The following SPAG16 variants were observed in gnomAD, a reference collection of about 807,000 sequenced individuals.
SPAG16 encodes sperm associated antigen 16.
In SPAG16, 86 loss-of-function variants were observed where a neutral mutation model predicts 80.4. That is an observed-to-expected ratio of 1.07 (90% CI 0.90 to 1.28). The LOEUF (loss-of-function observed/expected upper bound fraction) is 1.28, where lower values mean the gene tolerates loss of function less well. SPAG16 is among the 50% of genes most tolerant of loss of function. The pLI is 0.00. For synonymous variants in SPAG16, 294 were observed against 265.9 expected (o/e 1.11, Z -1.03); for missense variants, 870 against 765.3 (o/e 1.14, Z -1.61).
chr2:213,772,000 G>A (rs987147069), intron 10 of SPAG16, among the ~76,000 whole-genome samples: 11 of 152,076 alleles, frequency 7.2e-5, no homozygotes, highest in Non-Finnish European at 1.6e-4. Context: ...GTCAATGGTA[G>A]TTTAATGGGA....
In SPAG16 at chr2:214,333,400, GTTAAC is replaced by G. The variant is rs1166682690; in HGVS notation, c.1721-76735_1721-76731del. 2.0e-5 allele frequency among the ~76,000 whole-genome samples: 3 copies of G among 152,110 alleles called. 1 individual carries two copies. The East Asian group carries it at 5.8e-4, about 29-fold the overall frequency. ...GCTACCCACTCTAATCTTTCCACTC[GTTAAC>G]TTAATTGTGCCCACCTTGCATCTGA... On this transcript the variant is annotated intron_variant, in intron 15 of 15. Transcript: ENST00000331683.
At chr2:213,797,388 T>TA (rs1228924143) in intron 10 of SPAG16, among the ~76,000 whole-genome samples, 1 of 152,212 alleles carries the variant, frequency 6.6e-6, no homozygotes, top group Non-Finnish European at 1.5e-5. Context: ...TTTTCATTCA[T>TA]AGTGCCGAGA....
chr2:213,815,618 C>T (rs1313785634), intron 10 of SPAG16, among the ~76,000 whole-genome samples: 1 of 151,976 alleles, frequency 6.6e-6, no homozygotes, highest in Non-Finnish European at 1.5e-5. Flanking sequence ...AGGTGGTACT[C>T]AGGGCCAAAG....
chr2:213,355,227 C>A (rs2065570080), intron 7 of SPAG16, among the ~76,000 whole-genome samples: 1 of 152,192 alleles, frequency 6.6e-6, no homozygotes, highest in South Asian at 2.1e-4. Flanking sequence ...GTCTATATAT[C>A]TGTTTTGGTA....
chr2:213,805,093 A>T (rs906866349), intron 10 of SPAG16, among the ~76,000 whole-genome samples: 3 of 152,214 alleles, frequency 2.0e-5, no homozygotes, highest in Non-Finnish European at 4.4e-5. Context: ...TGTCAAATGT[A>T]TTTATGGCCA....
chr2:214,178,721 T>C (rs1313051106), intron 15 of SPAG16, among the ~76,000 whole-genome samples: 1 of 151,272 alleles, frequency 6.6e-6, no homozygotes, highest in Non-Finnish European at 1.5e-5. Context: ...TGAAAAATAT[T>C]AAAGTAATAT....
At chr2:214,260,721 C>G (rs1229969791) in intron 15 of SPAG16, among the ~76,000 whole-genome samples, 2 of 152,138 alleles carry the variant, frequency 1.3e-5, no homozygotes, top group Non-Finnish European at 2.9e-5. Context: ...TACTTACCCT[C>G]AAACACATAG....
intron 9 of SPAG16, among the ~76,000 whole-genome samples, chr2:213,485,651 A>G (rs1175811815): frequency 1.3e-5 from 2 of 152,130 alleles, no homozygotes; most frequent in Non-Finnish European, 2.9e-5. Flanking sequence ...CTAGTAATTA[A>G]CATAGTGCCT....
At chr2:214,114,560 C>T (rs991687580) in intron 14 of SPAG16, among the ~76,000 whole-genome samples, 3 of 152,166 alleles carry the variant, frequency 2.0e-5, no homozygotes, top group Admixed American at 6.5e-5. Context: ...TCTCAGACTG[C>T]TGTACTAGCA....
chr2:214,008,882 C>A (rs1309943038), intron 12 of SPAG16, among the ~76,000 whole-genome samples: 1 of 152,116 alleles, frequency 6.6e-6, no homozygotes, highest in South Asian at 2.1e-4. Context: ...TTTGCCCTTT[C>A]AGGCATAGTT....
chr2:213,704,769 T>C (rs1225001765), intron 10 of SPAG16, among the ~76,000 whole-genome samples: 1 of 152,176 alleles, frequency 6.6e-6, no homozygotes, highest in Non-Finnish European at 1.5e-5. Context: ...CTTTTGGGCA[T>C]TGAAGAGTTA....
Position 213,309,265 on chromosome 2 carries a change from T to C in SPAG16, c.280-794T>C, listed in dbSNP as rs567199153. On this transcript the variant is annotated intron_variant, in intron 3 of 15. Coordinates refer to ENST00000331683, the MANE Select transcript of SPAG16 (RefSeq NM_024532.5). ...AGTGCAAATGCATCCATACATAATA[T>C]GTAAACAAATGGGCATGGGCATGCT... is the stretch of plus-strand genomic sequence containing the variant. Among the ~76,000 whole-genome samples, 257 of 152,216 alleles carry C rather than the reference T, an allele frequency of 1.7e-3. 5 individuals carry two copies. Among genetic ancestry groups the C allele is most frequent in the Middle Eastern group, 0.01 (3 of 294 alleles).
intron 10 of SPAG16, among the ~76,000 whole-genome samples, chr2:213,508,554 G>A (rs913635075): frequency 2.6e-5 from 4 of 152,108 alleles, no homozygotes; most frequent in African/African-American, 9.7e-5. Flanking sequence ...AGTCCGGCCT[G>A]GGCGACAGAG....
intron 11 of SPAG16, among the ~76,000 whole-genome samples, chr2:213,912,885 G>T (rs550307955): frequency 4.6e-5 from 7 of 152,148 alleles, no homozygotes; most frequent in African/African-American, 1.2e-4. Flanking sequence ...GAAGTCATTT[G>T]TTCACAATAG....
intron 13 of SPAG16, among the ~76,000 whole-genome samples, chr2:214,039,846 C>A (rs1301153941): frequency 2.0e-5 from 3 of 152,182 alleles, no homozygotes; most frequent in African/African-American, 4.8e-5. Context: ...CTCAAACAAC[C>A]TCTCTGAGAC....
chr2:213,977,558 A>G (rs1390771499), intron 12 of SPAG16, among the ~76,000 whole-genome samples: 1 of 152,036 alleles, frequency 6.6e-6, no homozygotes, highest in Non-Finnish European at 1.5e-5. Context: ...TTAACATCCA[A>G]CTAGGCAAAT....
rs557996883 is a variant in SPAG16, at chr2:213,935,061, G to A, written c.1400+4916G>A. On this transcript the variant is annotated intron_variant, in intron 12 of 15. Coordinates refer to ENST00000331683, the MANE Select transcript of SPAG16 (RefSeq NM_024532.5). ...ACTGAAAATACAAAAAATTACCTGG[G>A]CGTGGTGGCAGGTGCCTGTAGTCCC... Among the ~76,000 whole-genome samples the A allele has an allele frequency of 3.3e-5, 5 of 152,126 alleles. No individual in the cohort carries two copies. The South Asian group carries it at 1.0e-3, about 32-fold the overall frequency.
chr2:214,011,023 A>T (rs1197133218), intron 12 of SPAG16, among the ~76,000 whole-genome samples: 1 of 145,860 alleles, frequency 6.9e-6, no homozygotes, highest in African/African-American at 2.7e-5. Context: ...GTAAGAAAGT[A>T]TCTACGTGAC....
chr2:214,195,533 T>C (rs145835288), intron 15 of SPAG16, among the ~76,000 whole-genome samples: 18 of 152,054 alleles, frequency 1.2e-4, no homozygotes, highest in African/African-American at 4.1e-4. Context: ...ATAAGTGATA[T>C]ATTAGAACAA....
Sources: allele counts gnomAD v4.1 joint callset (sites outside exome capture counted in the v4.1 genomes callset), GRCh38; gene constraint gnomAD v4.1.1; transcripts MANE v1.5; gene names NCBI Gene and HGNC (gene_info 2026-07-23, HGNC 2026-07-21).